The following HIPK3 variants were observed in gnomAD, a reference collection of about 807,000 sequenced individuals.
The protein encoded by HIPK3 is homeodomain interacting protein kinase 3, also known as homeodomain-interacting protein kinase 3.
A neutral mutation model predicts 124.2 loss-of-function variants in HIPK3; 47 were observed. That is an observed-to-expected ratio of 0.38 (90% confidence interval 0.30 to 0.48). The LOEUF is 0.48. Among genes scored for constraint, HIPK3 ranks in the 20% least tolerant of loss-of-function variants. HIPK3 has a pLI of 0.98. For missense variants in HIPK3, 1,286 were observed against 1,454.3 expected (o/e 0.88, Z 1.88); for synonymous variants, 482 against 515.2 (o/e 0.94, Z 0.87).
At chr11:33,331,438 A>T (rs1048402929) in intron 3 of HIPK3, among the ~76,000 whole-genome samples, 3 of 152,178 alleles carry the variant, frequency 2.0e-5, no homozygotes, top group African/African-American at 7.2e-5. Context: ...CAGTGGCATG[A>T]TCATAGCTCA....
In HIPK3 at chr11:33,351,674, C is replaced by G; in HGVS notation, c.2874C>G (p.Ser958=). Residue 958 remains serine (S), a synonymous_variant, in exon 15 of 17, where the codon TCC becomes TCG. Coordinates refer to ENST00000303296, the MANE Select transcript of HIPK3 (RefSeq NM_005734.5). ...ATGGCTCTCCGACATCTGACTCTTC[C>G]GGGCATGACAGTCCATTTGCAGAGA... is the stretch of plus-strand genomic sequence containing the variant. The part of the protein sequence containing the change: ...TVDGSPTSDS[S]GHDSPFAEST... 6.2e-7 allele frequency: 1 copy of G among 1,614,148 alleles called. No homozygotes were observed. The highest frequency in any genetic ancestry group is 8.5e-7 in the Non-Finnish European group (1 of 1,180,020).
At chr11:33,312,404 T>G (rs1307090289) in intron 2 of HIPK3, among the ~76,000 whole-genome samples, 1 of 152,214 alleles carries the variant, frequency 6.6e-6, no homozygotes, top group Admixed American at 6.5e-5. Flanking sequence ...AGAAGTTGAT[T>G]AATTTTGTTG....
At chr11:33,337,759 C>G (rs759632057) in intron 4 of HIPK3, among the ~76,000 whole-genome samples, 119 of 152,090 alleles carry the variant, frequency 7.8e-4, no homozygotes, top group Middle Eastern at 3.4e-3. Context: ...CTGCAACCTC[C>G]ACCTCCCAGG....
intron 2 of HIPK3, among the ~76,000 whole-genome samples, chr11:33,292,997 A>G (rs1455691113): frequency 6.6e-6 from 1 of 152,178 alleles, no homozygotes. Context: ...TCAGCTTCCC[A>G]AAGTGCTGGG....
intron 2 of HIPK3, among the ~76,000 whole-genome samples, chr11:33,293,067 G>A (rs139202659): frequency 6.6e-6 from 1 of 152,232 alleles, no homozygotes; most frequent in East Asian, 1.9e-4. Context: ...CCATACCTGT[G>A]GCTGCAAATG....
At chr11:33,324,340 T>A (rs560881547) in intron 2 of HIPK3, among the ~76,000 whole-genome samples, 2 of 152,334 alleles carry the variant, frequency 1.3e-5, no homozygotes, top group East Asian at 1.9e-4. Flanking sequence ...GCTTCCCAAC[T>A]TTCCTCATGC....
rs959096556 is a variant in HIPK3, at chr11:33,356,019, A to G, written c.*2451A>G. Reference sequence around the variant, plus strand: ...CTGCTTACTTCTTAGGAAAGAATCAATGCTGGCAACACATTGTTTCAGAAA... The same window carrying G: ...CTGCTTACTTCTTAGGAAAGAATCAGTGCTGGCAACACATTGTTTCAGAAA... On this transcript the variant is annotated 3_prime_UTR_variant, in exon 17 of 17. Transcript: ENST00000303296. The G allele has an allele frequency of 2.6e-5, 4 of 151,978 alleles. No individual in the cohort carries two copies. The highest frequency in any genetic ancestry group is 4.8e-5 in the African/African-American group (2 of 41,440). 9.4% of individuals were successfully genotyped at this position (151,978 alleles called of 1,614,324 possible).
At chr11:33,294,627 C>T (rs569293028) in intron 2 of HIPK3, among the ~76,000 whole-genome samples, 2 of 152,016 alleles carry the variant, frequency 1.3e-5, no homozygotes, top group African/African-American at 4.8e-5. Flanking sequence ...TTCTTAAAGA[C>T]AAGGTCTTGC....
intron 2 of HIPK3, among the ~76,000 whole-genome samples, chr11:33,315,818 G>C (rs1450482736): frequency 1.3e-5 from 2 of 152,118 alleles, no homozygotes; most frequent in Non-Finnish European, 2.9e-5. Flanking sequence ...TCCATCTCTT[G>C]AGTTTAAAAT....
chr11:33,313,132 A>G lies in HIPK3; in HGVS notation c.1098-15378A>G, dbSNP rs540086289. On this transcript the variant is annotated intron_variant, in intron 2 of 16. Transcript: ENST00000303296. ...CATCACTCCTGTAGTAATCCTGCTA[A>G]AAATTAACTGAATTTTCTTATGAGA... Among the ~76,000 whole-genome samples the G allele has an allele frequency of 4.6e-5, 7 of 152,332 alleles. No homozygotes were observed. The South Asian group carries it at 1.2e-3, about 27-fold the overall frequency.
intron 1 of HIPK3, among the ~76,000 whole-genome samples, chr11:33,272,824 T>C (rs1347268431): frequency 2.4e-5 from 3 of 124,574 alleles, no homozygotes; most frequent in Non-Finnish European, 4.9e-5. Flanking sequence ...CCTCCCTCTT[T>C]CTTCCTCCCC....
chr11:33,272,827 T>TCCTCC (rs1013950876), intron 1 of HIPK3, among the ~76,000 whole-genome samples: 1 of 9,702 alleles, frequency 1.0e-4, no homozygotes, highest in Non-Finnish European at 2.1e-4. Context: ...CCCTCTTTCT[T>TCCTCC]CCTCCCCTCC....
chr11:33,334,128 G>A (rs918703391), intron 3 of HIPK3, among the ~76,000 whole-genome samples: 3 of 152,158 alleles, frequency 2.0e-5, no homozygotes, highest in African/African-American at 7.2e-5. Context: ...GGATACAAAT[G>A]TGGATAAAAC....
rs1851581278 is a variant in HIPK3 at position 33,287,225 on chromosome 11, A to G, written c.811A>G (p.Thr271Ala). Residue 271 changes from threonine (T) to alanine (A), a missense_variant, in exon 2 of 17, where the codon ACT becomes GCT. Around this residue, in one of 3 missense-constraint regions of HIPK3, gnomAD observed 251 missense variants for 349.1 expected, o/e 0.72. Coordinates refer to ENST00000303296, the MANE Select transcript of HIPK3 (RefSeq NM_005734.5). ...AYECFQHRNHTCLVFEMLEQN... is the reference protein window; with the variant it reads ...AYECFQHRNHACLVFEMLEQN... Reference sequence around the variant, plus strand: ...TGAATGCTTTCAGCACCGTAACCATACTTGTTTAGTCTTTGAGATGCTGGA... The same window carrying G: ...TGAATGCTTTCAGCACCGTAACCATGCTTGTTTAGTCTTTGAGATGCTGGA... 3.7e-6 allele frequency: 6 copies of G among 1,614,156 alleles called. No homozygotes were observed. The highest frequency in any genetic ancestry group is 5.1e-6 in the Non-Finnish European group (6 of 1,180,008).
intron 2 of HIPK3, among the ~76,000 whole-genome samples, chr11:33,297,892 C>G (rs775151861): frequency 6.7e-6 from 1 of 148,506 alleles, no homozygotes; most frequent in Admixed American, 6.9e-5. Flanking sequence ...CAGGTTCAAG[C>G]GATTCTCCTA....
intron 14 of HIPK3, among the ~76,000 whole-genome samples, chr11:33,350,967 A>G (rs992313131): frequency 1.3e-5 from 2 of 152,200 alleles, no homozygotes; most frequent in South Asian, 4.1e-4. Context: ...AAAAATATGT[A>G]TAAAAAGAGA....
intron 1 of HIPK3, among the ~76,000 whole-genome samples, chr11:33,274,306 G>T (rs1851214851): frequency 6.6e-6 from 1 of 151,998 alleles, no homozygotes; most frequent in African/African-American, 2.4e-5. Flanking sequence ...TTAATATTTT[G>T]TATTTATCTT....
At chr11:33,263,929 A>G (rs945197927) in intron 1 of HIPK3, among the ~76,000 whole-genome samples, 1 of 152,200 alleles carries the variant, frequency 6.6e-6, no homozygotes, top group East Asian at 1.9e-4. Context: ...TGAAGACTAT[A>G]GAACATAATA....
intron 2 of HIPK3, among the ~76,000 whole-genome samples, chr11:33,323,497 C>T (rs1852724983): frequency 6.6e-6 from 1 of 152,178 alleles, no homozygotes; most frequent in African/African-American, 2.4e-5. Flanking sequence ...CCCGGCTTAG[C>T]CTCCAAAAGT....
Sources: allele counts gnomAD v4.1 joint callset (sites outside exome capture counted in the v4.1 genomes callset), GRCh38; gene constraint gnomAD v4.1.1; regional missense constraint gnomAD v4.1.1; transcripts MANE v1.5; gene names NCBI Gene and HGNC (gene_info 2026-07-23, HGNC 2026-07-21).